Variants in PCDHA7 observed in about 807,000 individuals in gnomAD.
The protein encoded by PCDHA7 is protocadherin alpha-7.
In PCDHA7, 37 loss-of-function variants were observed where a neutral mutation model predicts 57.2. That is an observed-to-expected ratio of 0.65 (90% confidence interval 0.50 to 0.85). The LOEUF (loss-of-function observed/expected upper bound fraction) is 0.85, where lower values mean the gene tolerates loss of function less well. Ranked by LOEUF, PCDHA7 falls within the 40% of genes least tolerant of loss-of-function variation. The pLI is 0.00. For missense variants in PCDHA7, 1,188 were observed against 1,241.8 expected (o/e 0.96, Z 0.65); for synonymous variants, 553 against 558.8 (o/e 0.99, Z 0.15).
In PCDHA7 at chr5:140,888,521, C is replaced by T. The variant is rs191011552; in HGVS notation, c.2355+51783C>T. ...TAAAGAGTCTTGGACTTAGTTCTGACGTGAAGTTAAGTTGCTCAGTACCAA... is the reference window on the plus strand; with the variant it reads ...TAAAGAGTCTTGGACTTAGTTCTGATGTGAAGTTAAGTTGCTCAGTACCAA... On this transcript the variant is annotated intron_variant, in intron 1 of 3. Transcript: ENST00000525929. Among the ~76,000 whole-genome samples, 432 of 152,260 alleles carry T rather than the reference C, an allele frequency of 2.8e-3. 2 individuals carry two copies. The highest frequency in any genetic ancestry group is 0.014 in the Middle Eastern group (4 of 292).
At chr5:140,847,557 T>A (rs1457582246) in intron 1 of PCDHA7, 2 of 149,266 alleles carry the variant, frequency 1.3e-5, no homozygotes, top group Non-Finnish European at 3.0e-5. Context: ...AAAACAGAAA[T>A]TGCCCCGAGT....
At chr5:140,903,269 G>A (rs1251669520) in intron 1 of PCDHA7, among the ~76,000 whole-genome samples, 4 of 152,140 alleles carry the variant, frequency 2.6e-5, no homozygotes, top group African/African-American at 4.8e-5. Context: ...CAGGAGTGAG[G>A]TAGTGTCTCA....
At chr5:140,855,863 C>A in intron 1 of PCDHA7, 2 of 763,578 alleles carry the variant, frequency 2.6e-6, no homozygotes, top group Non-Finnish European at 4.1e-6. Flanking sequence ...ATGTCGCTGT[C>A]GTCCACAAAA....
intron 1 of PCDHA7, among the ~76,000 whole-genome samples, chr5:140,949,636 T>C (rs1047386786): frequency 1.3e-5 from 2 of 151,898 alleles, no homozygotes; most frequent in Non-Finnish European, 3.0e-5. Context: ...GGCATATTGC[T>C]TTTTGTTCAT....
At chr5:140,950,073 G>T (rs2094447306) in intron 1 of PCDHA7, among the ~76,000 whole-genome samples, 1 of 151,672 alleles carries the variant, frequency 6.6e-6, no homozygotes, top group Non-Finnish European at 1.5e-5. Flanking sequence ...CTGTGCCATT[G>T]CTTATGCTAT....
intron 1 of PCDHA7, chr5:140,853,175 G>A: frequency 1.0e-6 from 1 of 970,848 alleles, no homozygotes. Flanking sequence ...CACCGCGCCT[G>A]GCCTAAAATG....
chr5:140,942,532 A>G (rs1474733493), intron 1 of PCDHA7, among the ~76,000 whole-genome samples: 2 of 152,142 alleles, frequency 1.3e-5, no homozygotes, highest in Non-Finnish European at 2.9e-5. Context: ...CAACTAACTC[A>G]GTATGGTGGG....
At chr5:140,975,439 T>C (rs1376325988) in intron 1 of PCDHA7, among the ~76,000 whole-genome samples, 2 of 152,222 alleles carry the variant, frequency 1.3e-5, no homozygotes, top group Non-Finnish European at 2.9e-5. Context: ...CACCAGGATA[T>C]AGGGATCTTG....
chr5:140,958,349 G>T lies in PCDHA7; in HGVS notation c.2356-20600G>T, dbSNP rs142186821. Among the ~76,000 whole-genome samples the T allele has an allele frequency of 7.9e-3, 1,199 of 152,218 alleles. 6 individuals carry two copies. The highest frequency in any genetic ancestry group is 0.012 in the Non-Finnish European group (790 of 67,966). On this transcript the variant is annotated intron_variant, in intron 1 of 3. Coordinates refer to ENST00000525929, the MANE Select transcript of PCDHA7 (RefSeq NM_018910.3). ...ATAAATAAATCACAGGAAGTTCACAGTCTGACTTTATCAGGAATGTTGCTA... is the reference window on the plus strand; with the variant it reads ...ATAAATAAATCACAGGAAGTTCACATTCTGACTTTATCAGGAATGTTGCTA...
chr5:140,999,056 C>T (rs1256829495), intron 3 of PCDHA7, among the ~76,000 whole-genome samples: 4 of 152,212 alleles, frequency 2.6e-5, no homozygotes, highest in Non-Finnish European at 5.9e-5. Context: ...TCCACCATGC[C>T]TAAGTAGTCT....
chr5:140,945,962 G>A (rs1049789327), intron 1 of PCDHA7, among the ~76,000 whole-genome samples: 1 of 152,002 alleles, frequency 6.6e-6, no homozygotes, highest in Non-Finnish European at 1.5e-5. Context: ...GAAAGCACAG[G>A]CAATAAAAGC....
intron 1 of PCDHA7, among the ~76,000 whole-genome samples, chr5:140,933,147 A>G (rs1584764690): frequency 6.6e-6 from 1 of 151,986 alleles, no homozygotes. Context: ...ATAGCCACTC[A>G]TTTTGTTCCC....
At chr5:141,001,997 CA>C (rs1587968703) in intron 3 of PCDHA7, among the ~76,000 whole-genome samples, 1 of 152,190 alleles carries the variant, frequency 6.6e-6, no homozygotes, top group Admixed American at 6.5e-5. Flanking sequence ...AGTTCACTTG[CA>C]AACACAGAAT....
chr5:140,850,643 G>A, intron 1 of PCDHA7: 1 of 1,598,690 alleles, frequency 6.3e-7, no homozygotes, highest in African/African-American at 1.3e-5. Context: ...TCACGCTGCT[G>A]CTGTACACTG....
intron 1 of PCDHA7, chr5:140,969,250 C>T (rs1554231631): frequency 6.2e-7 from 1 of 1,614,216 alleles, no homozygotes; most frequent in Admixed American, 1.7e-5. Flanking sequence ...CAGTGACTGA[C>T]AGCAGGAATC....
chr5:140,876,920 A>G (rs782247870), intron 1 of PCDHA7: 1 of 1,613,928 alleles, frequency 6.2e-7, no homozygotes, highest in Non-Finnish European at 8.5e-7. Context: ...TGGGACGCGG[A>G]CGCGCAGAAG....
chr5:140,877,361 A>G, intron 1 of PCDHA7: 6 of 1,613,976 alleles, frequency 3.7e-6, no homozygotes, highest in Non-Finnish European at 5.1e-6. Context: ...TACACTGGCG[A>G]GATCAGCACG....
intron 1 of PCDHA7, chr5:140,857,987 C>T: frequency 6.3e-7 from 1 of 1,596,876 alleles, no homozygotes; most frequent in Admixed American, 1.7e-5. Context: ...CCAGCGCCTA[C>T]TGGTGCTGGT....
At position 140,836,737 on chromosome 5, in the gene PCDHA7, A is replaced by T; in HGVS notation, c.2354A>T (p.Asn785Ile). ...CCTCAGGGTCCATCCTCTACAGACA[A>T]TGTGAGTCATAAATAATCTTGTTTC... The part of the protein sequence containing the change: ...SLPQGPSSTD[N>I]PRQPNPDWRY... Residue 785 changes from asparagine (N) to isoleucine (I), a missense_variant and splice_region_variant, in exon 1 of 4, where the codon AAT (asparagine) becomes ATT (isoleucine). By Grantham distance (149) the Asn-to-Ile change is moderately radical. This residue lies in a region of PCDHA7 where 892 missense variants were observed against 788.5 expected (regional missense o/e 1.13). Coordinates refer to ENST00000525929, the MANE Select transcript of PCDHA7 (RefSeq NM_018910.3). 1 of 1,603,604 alleles carries T rather than the reference A, an allele frequency of 6.2e-7. No homozygotes were observed. Among genetic ancestry groups the T allele is most frequent in the South Asian group, 1.1e-5 (1 of 89,590 alleles).
Sources: gnomAD v4.1 joint callset for allele counts (sites outside exome capture counted in the v4.1 genomes callset) on GRCh38, gnomAD v4.1.1 for gene constraint, gnomAD v4.1.1 regional missense constraint, MANE v1.5 for transcripts, NCBI Gene and HGNC (gene_info 2026-07-23, HGNC 2026-07-21) for gene names.